The following CUBN variants were observed in gnomAD, a reference collection of about 807,000 sequenced individuals.
The protein encoded by CUBN is 460 kDa receptor.
Under a neutral mutation model 405.3 loss-of-function variants are expected in CUBN, and 282 were observed. The observed-to-expected ratio is 0.70, with a 90% CI of 0.63 to 0.77. The LOEUF is 0.77. Among genes scored for constraint, CUBN ranks in the 30% least tolerant of loss-of-function variants. The pLI is 0.00. For synonymous variants in CUBN, 1,684 were observed against 1,617.0 expected (o/e 1.04, Z -0.99); for missense variants, 4,514 against 4,475.2 (o/e 1.01, Z -0.25).
At chr10:16,887,511 A>G (rs1840854617) in intron 56 of CUBN, among the ~76,000 whole-genome samples, 1 of 152,230 alleles carries the variant, frequency 6.6e-6, no homozygotes, top group Non-Finnish European at 1.5e-5. Flanking sequence ...CTGAAGAACC[A>G]ATTAGAGTTT....
At chr10:16,845,365 G>C (rs1021501617) in intron 60 of CUBN, among the ~76,000 whole-genome samples, 1 of 152,214 alleles carries the variant, frequency 6.6e-6, no homozygotes, top group Non-Finnish European at 1.5e-5. Context: ...CAGAATCTTA[G>C]AGTATCTTCA....
chr10:17,002,725 G>C (rs1476680938), intron 28 of CUBN, among the ~76,000 whole-genome samples: 1 of 152,170 alleles, frequency 6.6e-6, no homozygotes, highest in East Asian at 1.9e-4. Context: ...CTGATCATTG[G>C]GACCTTGCTG....
At chr10:16,889,567 C>A (rs1360134846) in intron 55 of CUBN, among the ~76,000 whole-genome samples, 2 of 152,094 alleles carry the variant, frequency 1.3e-5, no homozygotes, top group Non-Finnish European at 2.9e-5. Context: ...GAAACTGGCT[C>A]CCAAAGTTGA....
chr10:17,069,907 CTTTTT>C (rs1564502709), intron 19 of CUBN, among the ~76,000 whole-genome samples: 1 of 151,868 alleles, frequency 6.6e-6, no homozygotes, highest in South Asian at 2.1e-4. Context: ...TTTCTTTTTT[CTTTTT>C]TTGTTTGTAC....
At chr10:17,002,224 T>C (rs892367458) in intron 28 of CUBN, among the ~76,000 whole-genome samples, 3 of 152,198 alleles carry the variant, frequency 2.0e-5, no homozygotes, top group Non-Finnish European at 4.4e-5. Context: ...TTTTGGCTGC[T>C]ATGATATTTG....
Position 17,100,012 on chromosome 10 carries a change from C to T in CUBN, c.1758G>A (p.Gln586=), listed in dbSNP as rs773529029. 6.2e-7 allele frequency: 1 copy of T among 1,609,698 alleles called. No individual in the cohort carries two copies. The highest frequency in any genetic ancestry group is 8.5e-7 in the Non-Finnish European group (1 of 1,176,096). ...GRGFTVRWET[Q]QPECGGILTG... ...CTCCAGGTTCACACATACCTGGTTG[C>T]TGTGTTTCCCATCTTACTGTAAAGC... Residue 586 remains glutamine (Q), a synonymous_variant, in exon 14 of 67, where the codon CAG becomes CAA. Coordinates refer to ENST00000377833, the MANE Select transcript of CUBN (RefSeq NM_001081.4).
chr10:16,971,807 T>A (rs942585049), intron 31 of CUBN, among the ~76,000 whole-genome samples: 2 of 152,078 alleles, frequency 1.3e-5, no homozygotes, highest in Non-Finnish European at 2.9e-5. Context: ...ATTTCTCCAT[T>A]TTTTTTAAAA....
intron 36 of CUBN, among the ~76,000 whole-genome samples, chr10:16,945,736 C>T (rs541222509): frequency 6.8e-6 from 1 of 146,176 alleles, no homozygotes; most frequent in East Asian, 2.0e-4. Context: ...CATTGCACTC[C>T]AGCCTGGGCA....
chr10:16,980,153 C>T (rs780591899), intron 31 of CUBN, among the ~76,000 whole-genome samples: 45 of 152,158 alleles, frequency 3.0e-4, no homozygotes, highest in Non-Finnish European at 4.0e-4. Context: ...TACCATCTCA[C>T]GCCAGTTAGA....
intron 44 of CUBN, among the ~76,000 whole-genome samples, chr10:16,919,601 A>G (rs1841977320): frequency 6.6e-6 from 1 of 152,236 alleles, no homozygotes; most frequent in South Asian, 2.1e-4. Context: ...TTTGTTAAAC[A>G]GACATTTTAT....
chr10:16,962,836 T>C (rs937533298), intron 31 of CUBN, among the ~76,000 whole-genome samples: 1 of 152,018 alleles, frequency 6.6e-6, no homozygotes, highest in Middle Eastern at 3.2e-3. Context: ...TGCAGGTGAG[T>C]GGCACCTGGC....
intron 29 of CUBN, among the ~76,000 whole-genome samples, chr10:16,987,244 G>A (rs369934535): frequency 3.1e-4 from 47 of 152,246 alleles, no homozygotes; most frequent in Admixed American, 4.6e-4. Context: ...AAATAAAACC[G>A]ATAGTACATG....
At chr10:17,040,750 C>CA (rs199683495) in intron 27 of CUBN, among the ~76,000 whole-genome samples, 3 of 151,884 alleles carry the variant, frequency 2.0e-5, no homozygotes, top group Non-Finnish European at 4.4e-5. Flanking sequence ...AAACAACCAA[C>CA]AAAAAATAGA....
chr10:16,924,098 TAAACAA>T (rs1252801002), intron 43 of CUBN, among the ~76,000 whole-genome samples: 2 of 113,180 alleles, frequency 1.8e-5, no homozygotes, highest in South Asian at 3.0e-4. Flanking sequence ...GAGTCTATTA[TAAACAA>T]AAACAAAAGA....
At chr10:16,834,902 G>GA in intron 64 of CUBN, 112 bp downstream of exon 64, 1 of 1,111,056 alleles carries the variant, frequency 9.0e-7, no homozygotes, top group Non-Finnish European at 1.3e-6. Context: ...ATAAATTAAT[G>GA]AAACAAATAA....
At chr10:16,902,333 T>A (rs1275261589) in intron 51 of CUBN, among the ~76,000 whole-genome samples, 8 of 144,322 alleles carry the variant, frequency 5.5e-5, no homozygotes, top group Non-Finnish European at 1.2e-4. Context: ...ATATATATAT[T>A]TTGTATTTTT....
chr10:16,907,415 G>T, intron 49 of CUBN, 93 bp downstream of exon 49: 3 of 1,307,914 alleles, frequency 2.3e-6, no homozygotes, highest in South Asian at 1.2e-5. Context: ...TCACTAAAGG[G>T]AAAATGGATG....
intron 31 of CUBN, among the ~76,000 whole-genome samples, chr10:16,970,293 G>C (rs558867929): frequency 6.6e-6 from 1 of 152,318 alleles, no homozygotes; most frequent in South Asian, 2.1e-4. Context: ...GGCTGGGCAC[G>C]GTGGCTCACG....
At chr10:17,116,528 G>A (rs1406400652) in intron 6 of CUBN, among the ~76,000 whole-genome samples, 1 of 152,186 alleles carries the variant, frequency 6.6e-6, no homozygotes, top group Non-Finnish European at 1.5e-5. Flanking sequence ...GTTGGTGCCA[G>A]GGGTCAGAGA....
Sources: gnomAD v4.1 joint callset for allele counts (sites outside exome capture counted in the v4.1 genomes callset) on GRCh38, gnomAD v4.1.1 for gene constraint, MANE v1.5 for transcripts, NCBI Gene and HGNC (gene_info 2026-07-23, HGNC 2026-07-21) for gene names.